RNF180: variants seen among roughly 807,000 people sequenced by gnomAD.
RNF180 encodes ring finger protein 180.
Under a neutral mutation model 59.2 loss-of-function variants are expected in RNF180, and 38 were observed. That is an observed-to-expected ratio of 0.64 (90% CI 0.50 to 0.84). RNF180 has a LOEUF of 0.84. Ranked by LOEUF, RNF180 falls within the 40% of genes least tolerant of loss-of-function variation. RNF180 has a pLI of 0.00. For synonymous variants in RNF180, 262 were observed against 240.3 expected (o/e 1.09, Z -0.84); for missense variants, 705 against 700.9 (o/e 1.01, Z -0.07).
intron 5 of RNF180, among the ~76,000 whole-genome samples, chr5:64,233,253 G>A (rs1004924632): frequency 6.6e-6 from 1 of 152,104 alleles, no homozygotes; most frequent in Non-Finnish European, 1.5e-5. Context: ...CCCAATCATT[G>A]GTAGCTATAA....
intron 5 of RNF180, among the ~76,000 whole-genome samples, chr5:64,279,144 CAA>C (rs1396070667): frequency 2.0e-5 from 3 of 152,084 alleles, no homozygotes; most frequent in African/African-American, 7.2e-5. Context: ...GCCAGAAAAA[CAA>C]AGAGTTAGAA....
At chr5:64,279,434 C>T (rs1221563703) in intron 5 of RNF180, among the ~76,000 whole-genome samples, 1 of 151,924 alleles carries the variant, frequency 6.6e-6, no homozygotes, top group East Asian at 1.9e-4. Flanking sequence ...AGGGGTTTTT[C>T]TGTTGTTGTT....
intron 1 of RNF180, among the ~76,000 whole-genome samples, chr5:64,193,750 G>T (rs1052241475): frequency 6.6e-6 from 1 of 152,154 alleles, no homozygotes; most frequent in African/African-American, 2.4e-5. Flanking sequence ...TTTCCTTGGT[G>T]ATAGATAAGT....
At chr5:64,211,480 C>A (rs1752308949) in intron 2 of RNF180, among the ~76,000 whole-genome samples, 1 of 152,066 alleles carries the variant, frequency 6.6e-6, no homozygotes, top group South Asian at 2.1e-4. Context: ...TATGGGAGGT[C>A]AGAAAATCCT....
intron 5 of RNF180, among the ~76,000 whole-genome samples, chr5:64,295,521 C>T (rs1742840247): frequency 6.6e-6 from 1 of 152,120 alleles, no homozygotes; most frequent in Non-Finnish European, 1.5e-5. Flanking sequence ...TTCATGGGGG[C>T]CTTTCAAAAG....
At chr5:64,350,636 G>A (rs1420250268) in intron 7 of RNF180, among the ~76,000 whole-genome samples, 2 of 152,128 alleles carry the variant, frequency 1.3e-5, no homozygotes, top group African/African-American at 2.4e-5. Flanking sequence ...TGGCTAGCCA[G>A]TTTTCCCAGC....
intron 5 of RNF180, among the ~76,000 whole-genome samples, chr5:64,224,005 C>G (rs1741509856): frequency 6.6e-6 from 1 of 151,754 alleles, no homozygotes; most frequent in East Asian, 1.9e-4. Context: ...CTAAAGTAGT[C>G]ACAAAGGAGC....
At chr5:64,167,430 G>T (rs564051813) in intron 1 of RNF180, among the ~76,000 whole-genome samples, 4 of 151,972 alleles carry the variant, frequency 2.6e-5, no homozygotes, top group East Asian at 1.9e-4. Context: ...TTCATTTTTT[G>T]TGTGTTTGGT....
chr5:64,175,911 A>G (rs1186626245), intron 1 of RNF180, among the ~76,000 whole-genome samples: 2 of 152,158 alleles, frequency 1.3e-5, no homozygotes, highest in Non-Finnish European at 2.9e-5. Context: ...ATAATTCTCT[A>G]TTGGCACATA....
chr5:64,332,717 A>C (rs1435904384), intron 7 of RNF180, among the ~76,000 whole-genome samples: 1 of 152,220 alleles, frequency 6.6e-6, no homozygotes, highest in African/African-American at 2.4e-5. Flanking sequence ...TTCATCTTTT[A>C]TGAAACCGTA....
Position 64,273,568 on chromosome 5 carries a change from C to A in RNF180, c.1228-51618C>A, listed in dbSNP as rs552299314. 3.3e-5 allele frequency among the ~76,000 whole-genome samples: 5 copies of A among 151,846 alleles called. No individual in the cohort carries two copies. In the South Asian group the frequency reaches 8.3e-4, roughly 25 times the overall value. On this transcript the variant is annotated intron_variant, in intron 5 of 7. Coordinates refer to ENST00000389100, the MANE Select transcript of RNF180 (RefSeq NM_001113561.2). Reference sequence around the variant, plus strand: ...TCATAAAGATGAAAAAAAAGTAACACCTATTTCAAGATATTTGAAAAAAGA... The same window carrying A: ...TCATAAAGATGAAAAAAAAGTAACAACTATTTCAAGATATTTGAAAAAAGA...
At chr5:64,327,536 T>C (rs1561263848) in intron 6 of RNF180, among the ~76,000 whole-genome samples, 1 of 152,226 alleles carries the variant, frequency 6.6e-6, no homozygotes. Flanking sequence ...TCTTCATACA[T>C]TTGTCATTCA....
chr5:64,322,602 C>CGTGTGTGTGTGGGTGTGTGT (rs1744419898), intron 5 of RNF180, among the ~76,000 whole-genome samples: 1 of 143,428 alleles, frequency 7.0e-6, no homozygotes, highest in Non-Finnish European at 1.5e-5. Context: ...TATATATATA[C>CGTGTGTGTGTGGGTGTGTGT]GTGTGTGTGT....
chr5:64,255,215 T>C (rs1743861540), intron 5 of RNF180, among the ~76,000 whole-genome samples: 1 of 152,220 alleles, frequency 6.6e-6, no homozygotes, highest in African/African-American at 2.4e-5. Context: ...TTTTTTATTA[T>C]TATTATACTT....
At chr5:64,368,881 C>T (rs1262761630) in intron 7 of RNF180, among the ~76,000 whole-genome samples, 1 of 152,016 alleles carries the variant, frequency 6.6e-6, no homozygotes, top group Non-Finnish European at 1.5e-5. Context: ...ACTAGTTCAA[C>T]CATTGTGGAA....
intron 7 of RNF180, among the ~76,000 whole-genome samples, chr5:64,361,236 A>C (rs191321538): frequency 1.2e-3 from 179 of 151,690 alleles, no homozygotes; most frequent in African/African-American, 4.2e-3. Flanking sequence ...ATGCCATATA[A>C]AATAGTAACA....
intron 7 of RNF180, among the ~76,000 whole-genome samples, chr5:64,358,817 A>T (rs1461407770): frequency 2.3e-5 from 3 of 130,914 alleles, no homozygotes; most frequent in African/African-American, 8.8e-5. Context: ...CCAGAGTGTG[A>T]TATTCCCCTT....
At chr5:64,238,308 TC>T in intron 5 of RNF180, among the ~76,000 whole-genome samples, 1 of 152,310 alleles carries the variant, frequency 6.6e-6, no homozygotes, top group South Asian at 2.1e-4. Context: ...ACATAGGAAA[TC>T]TAATATCTAT....
chr5:64,301,084 A>T (rs1178555239), intron 5 of RNF180, among the ~76,000 whole-genome samples: 1 of 129,900 alleles, frequency 7.7e-6, no homozygotes, highest in African/African-American at 3.5e-5. Context: ...TTTCTGTCAC[A>T]GTACTGTAAT....
Sources: gnomAD v4.1 joint callset for allele counts (sites outside exome capture counted in the v4.1 genomes callset) on GRCh38, gnomAD v4.1.1 for gene constraint, MANE v1.5 for transcripts, NCBI Gene and HGNC (gene_info 2026-07-23, HGNC 2026-07-21) for gene names.